DCHS2: variants seen among roughly 807,000 people sequenced by gnomAD.
DCHS2 encodes dachsous cadherin-related 2, also known as protocadherin-23.
Under a neutral mutation model 182.4 loss-of-function variants are expected in DCHS2, and 142 were observed. The ratio of observed to expected loss-of-function variants is 0.78; its 90% CI spans 0.68 to 0.89. The LOEUF (loss-of-function observed/expected upper bound fraction) is 0.89. DCHS2 is among the 40% of genes least tolerant of loss of function. The pLI, the probability that DCHS2 is intolerant of heterozygous loss-of-function variation, is 0.00. For synonymous variants in DCHS2, 1,740 were observed against 1,663.3 expected (o/e 1.05, Z -1.12); for missense variants, 4,319 against 4,198.6 (o/e 1.03, Z -0.79).
At chr4:154,303,453 G>C (rs1426752497) in intron 12 of DCHS2, among the ~76,000 whole-genome samples, 5 of 123,098 alleles carry the variant, frequency 4.1e-5, no homozygotes, top group Admixed American at 3.7e-4. Context: ...GCGTACATAA[G>C]TTTTCAAGAT....
At chr4:154,270,156 G>A (rs1164027715) in intron 13 of DCHS2, 143 bp from the exon 14 acceptor site, 1 of 1,074,654 alleles carries the variant, frequency 9.3e-7, no homozygotes, top group Non-Finnish European at 1.3e-6. Flanking sequence ...TCTTCAATGA[G>A]CCAGATCCCA....
At chr4:154,266,096 T>C (rs991332807) in intron 14 of DCHS2, among the ~76,000 whole-genome samples, 6 of 152,162 alleles carry the variant, frequency 3.9e-5, no homozygotes, top group African/African-American at 1.4e-4. Context: ...TCCTTCTTCT[T>C]GTGATGATGT....
intron 3 of DCHS2, among the ~76,000 whole-genome samples, chr4:154,357,926 C>T (rs1415323964): frequency 6.6e-6 from 1 of 152,124 alleles, no homozygotes; most frequent in Non-Finnish European, 1.5e-5. Flanking sequence ...CTTCAGATTT[C>T]TCAGGTGAGA....
At chr4:154,371,314 G>A (rs1292810926) in intron 2 of DCHS2, among the ~76,000 whole-genome samples, 1 of 152,056 alleles carries the variant, frequency 6.6e-6, no homozygotes, top group Non-Finnish European at 1.5e-5. Context: ...TGCTGCCCTG[G>A]GCAACAAGCA....
rs1177204812 is a variant in DCHS2 at position 154,233,918 on chromosome 4, A to G, written c.*618T>C. 7 of 152,160 alleles carry G rather than the reference A, an allele frequency of 4.6e-5. No individual in the cohort carries two copies. Among genetic ancestry groups the G allele is most frequent in the Non-Finnish European group, 8.8e-5 (6 of 68,024 alleles). 9.4% of individuals were successfully genotyped at this position (152,160 alleles called of 1,614,324 possible). ...TCCCTATTGTCACAGAGTTATGACAAATTTCCTTCTGAATTTTTTATTAGT... is the reference window on the plus strand; with the variant it reads ...TCCCTATTGTCACAGAGTTATGACAGATTTCCTTCTGAATTTTTTATTAGT... On this transcript the variant is annotated 3_prime_UTR_variant, in exon 20 of 20. Coordinates refer to ENST00000357232, the MANE Select transcript of DCHS2 (RefSeq NM_001358235.2).
intron 13 of DCHS2, among the ~76,000 whole-genome samples, chr4:154,291,672 T>C (rs1045052240): frequency 6.6e-6 from 1 of 152,166 alleles, no homozygotes; most frequent in Non-Finnish European, 1.5e-5. Context: ...GAGGTCATTA[T>C]GTTAAGTGAA....
chr4:154,462,865 G>T (rs547149959), intron 1 of DCHS2, among the ~76,000 whole-genome samples: 57 of 152,110 alleles, frequency 3.7e-4, no homozygotes, highest in Non-Finnish European at 7.1e-4. Flanking sequence ...TGAAATAATT[G>T]TATACAGTTC....
chr4:154,261,181 A>G (rs542637840), intron 14 of DCHS2, among the ~76,000 whole-genome samples: 1 of 152,202 alleles, frequency 6.6e-6, no homozygotes, highest in South Asian at 2.1e-4. Context: ...TGGCTCCACC[A>G]CCTCCTAACT....
intron 13 of DCHS2, among the ~76,000 whole-genome samples, chr4:154,288,509 CCAGA>C (rs1434547057): frequency 6.6e-6 from 1 of 152,082 alleles, no homozygotes; most frequent in Non-Finnish European, 1.5e-5. Context: ...GATATATCAT[CCAGA>C]CAGACAATCA....
intron 3 of DCHS2, among the ~76,000 whole-genome samples, chr4:154,351,795 G>C (rs1005408000): frequency 2.0e-5 from 3 of 152,064 alleles, no homozygotes; most frequent in African/African-American, 7.2e-5. Flanking sequence ...TGCTTACGCC[G>C]ATCTGACAGG....
chr4:154,326,174 T>C (rs1179746037), intron 7 of DCHS2, among the ~76,000 whole-genome samples: 2 of 152,240 alleles, frequency 1.3e-5, no homozygotes, highest in South Asian at 4.1e-4. Flanking sequence ...TGCTTCATTG[T>C]TCTTCGAAGT....
At chr4:154,438,743 C>T (rs1394172615) in intron 1 of DCHS2, among the ~76,000 whole-genome samples, 5 of 152,162 alleles carry the variant, frequency 3.3e-5, no homozygotes, top group South Asian at 2.1e-4. Context: ...GTCTATATTT[C>T]TGTTGTTATA....
intron 2 of DCHS2, chr4:154,374,096 T>C: frequency 7.2e-6 from 5 of 693,628 alleles, no homozygotes; most frequent in African/African-American, 3.7e-5. Flanking sequence ...AAATTCCCAA[T>C]GCACTTCTGG....
intron 13 of DCHS2, among the ~76,000 whole-genome samples, chr4:154,281,343 A>G (rs1291192980): frequency 1.3e-5 from 2 of 152,194 alleles, no homozygotes; most frequent in Admixed American, 6.5e-5. Flanking sequence ...TGCAGGATAC[A>G]AAAATCAATA....
intron 10 of DCHS2, among the ~76,000 whole-genome samples, chr4:154,313,495 TA>T (rs1262774848): frequency 2.0e-5 from 3 of 152,182 alleles, no homozygotes; most frequent in Admixed American, 2.0e-4. Flanking sequence ...AACACTGTGG[TA>T]TTTTTTTAAA....
At chr4:154,259,410 G>A (rs1165517421) in intron 15 of DCHS2, 135 bp downstream of exon 15, 3 of 1,429,098 alleles carry the variant, frequency 2.1e-6, no homozygotes, top group Non-Finnish European at 2.7e-6. Context: ...AATGTACATG[G>A]CCTGGAAAGA....
At chr4:154,418,692 C>T (rs971362419) in intron 1 of DCHS2, among the ~76,000 whole-genome samples, 1 of 151,864 alleles carries the variant, frequency 6.6e-6, no homozygotes, top group East Asian at 1.9e-4. Context: ...TTTATGACAT[C>T]GATATAATGT....
intron 1 of DCHS2, among the ~76,000 whole-genome samples, chr4:154,417,584 C>T (rs1044893339): frequency 6.6e-6 from 1 of 152,084 alleles, no homozygotes; most frequent in African/African-American, 2.4e-5. Flanking sequence ...GTTTTATGCA[C>T]TATTTGGGAC....
chr4:154,239,230 C>A lies in DCHS2; in HGVS notation c.7432G>T (p.Glu2478Ter). Residue 2478 changes from glutamate (E) to a stop codon, truncating the protein, a stop_gained, in exon 19 of 20, where the codon GAG becomes TAG. Coordinates refer to ENST00000357232, the MANE Select transcript of DCHS2 (RefSeq NM_001358235.2). LOFTEE classifies it high-confidence loss of function. ...TLSATDLESN[E>*]NISYRILSSS... ...GATAGAATTCTGTAAGAAATGTTCT[C>A]ATTGCTTTCTAAGTCTGTGGCTGAC... 6.2e-7 allele frequency: 1 copy of A among 1,613,446 alleles called. No homozygotes were observed. The highest frequency in any genetic ancestry group is 1.1e-5 in the South Asian group (1 of 91,058).
Sources: gnomAD v4.1 joint callset for allele counts (sites outside exome capture counted in the v4.1 genomes callset) on GRCh38, gnomAD v4.1.1 for gene constraint, MANE v1.5 for transcripts, NCBI Gene and HGNC (gene_info 2026-07-23, HGNC 2026-07-21) for gene names.